LRRC4C: variants seen among roughly 807,000 people sequenced by gnomAD.
The protein encoded by LRRC4C is leucine rich repeat containing 4C.
LRRC4C carries 5 observed loss-of-function variants against 33.6 expected under a neutral mutation model. The observed-to-expected ratio is 0.15, with a 90% CI of 0.08 to 0.31. The LOEUF (loss-of-function observed/expected upper bound fraction) is 0.31. Ranked by LOEUF, LRRC4C falls within the 10% of genes least tolerant of loss-of-function variation. LRRC4C has a pLI of 1.00. For synonymous variants in LRRC4C, 329 were observed against 302.0 expected (o/e 1.09, Z -0.93); for missense variants, 560 against 796.7 (o/e 0.70, Z 3.58).
chr11:41,318,995 G>A (rs1297412859), intron 1 of LRRC4C, among the ~76,000 whole-genome samples: 1 of 152,156 alleles, frequency 6.6e-6, no homozygotes, highest in African/African-American at 2.4e-5. Flanking sequence ...CTCAATTTGA[G>A]AACAAGTTAT....
chr11:40,773,614 T>C lies in LRRC4C; in HGVS notation c.-406-125336A>G, dbSNP rs535586168. ...ATATGCAAAACCTATATGAAGAAAT[T>C]AAAAAACATTTTGAGAGACAGAAAA... is the stretch of plus-strand genomic sequence containing the variant. On this transcript the variant is annotated intron_variant, in intron 2 of 6. Transcript: ENST00000528697. 4.6e-5 allele frequency among the ~76,000 whole-genome samples: 7 copies of C among 152,094 alleles called. No homozygotes were observed. In the South Asian group the frequency reaches 1.5e-3, roughly 32 times the overall value.
intron 2 of LRRC4C, among the ~76,000 whole-genome samples, chr11:40,787,054 C>A (rs1048353435): frequency 1.3e-5 from 2 of 152,100 alleles, no homozygotes; most frequent in South Asian, 4.2e-4. Context: ...CACCTCCATG[C>A]CAAATAAGTT....
intron 2 of LRRC4C, among the ~76,000 whole-genome samples, chr11:40,788,544 T>C (rs1950502059): frequency 6.6e-6 from 1 of 152,246 alleles, no homozygotes; most frequent in South Asian, 2.1e-4. Flanking sequence ...TAATTGATAC[T>C]GCTGCTGTTT....
intron 2 of LRRC4C, among the ~76,000 whole-genome samples, chr11:40,682,228 C>T (rs983567998): frequency 1.3e-5 from 2 of 151,462 alleles, no homozygotes; most frequent in African/African-American, 2.4e-5. Context: ...CATGATTGCA[C>T]CACTGCACTC....
intron 3 of LRRC4C, among the ~76,000 whole-genome samples, chr11:40,523,989 T>G (rs1166747216): frequency 6.6e-6 from 1 of 152,122 alleles, no homozygotes; most frequent in Non-Finnish European, 1.5e-5. Context: ...AAAACAATAC[T>G]CTCCAATCTA....
chr11:40,499,568 A>T (rs545334992), intron 3 of LRRC4C, among the ~76,000 whole-genome samples: 1 of 152,030 alleles, frequency 6.6e-6, no homozygotes, highest in Non-Finnish European at 1.5e-5. Flanking sequence ...TGACATCAAC[A>T]AAAGAGCCAC....
intron 1 of LRRC4C, among the ~76,000 whole-genome samples, chr11:41,078,859 ATT>A (rs1939352808): frequency 1.3e-5 from 2 of 151,918 alleles, no homozygotes; most frequent in Non-Finnish European, 2.9e-5. Flanking sequence ...AAATCTGTGA[ATT>A]TTTCGCCACC....
intron 1 of LRRC4C, among the ~76,000 whole-genome samples, chr11:41,080,552 C>A (rs1012828169): frequency 2.0e-5 from 3 of 151,910 alleles, no homozygotes; most frequent in African/African-American, 7.3e-5. Context: ...GGAGTTTCTC[C>A]ATGGTGGTCA....
At chr11:40,133,184 GAAA>G (rs1402678102) in intron 6 of LRRC4C, among the ~76,000 whole-genome samples, 1 of 152,034 alleles carries the variant, frequency 6.6e-6, no homozygotes, top group Non-Finnish European at 1.5e-5. Flanking sequence ...TTAATCCTTC[GAAA>G]ATGCTCTGTG....
chr11:40,563,624 A>AT, intron 3 of LRRC4C, among the ~76,000 whole-genome samples: 1 of 152,186 alleles, frequency 6.6e-6, no homozygotes. Flanking sequence ...ACATGGGCTA[A>AT]TAGTTGGTGG....
chr11:40,572,792 G>C (rs1273460703), intron 3 of LRRC4C, among the ~76,000 whole-genome samples: 8 of 152,152 alleles, frequency 5.3e-5, no homozygotes, highest in African/African-American at 9.7e-5. Context: ...TTTAGCATAA[G>C]AGTTTGATCA....
intron 3 of LRRC4C, among the ~76,000 whole-genome samples, chr11:40,642,543 AC>A (rs1565590700): frequency 6.6e-6 from 1 of 152,286 alleles, no homozygotes; most frequent in East Asian, 1.9e-4. Flanking sequence ...ATGAAATATA[AC>A]TTTTACCTTG....
At chr11:40,146,830 C>A (rs1245168192) in intron 5 of LRRC4C, among the ~76,000 whole-genome samples, 1 of 152,140 alleles carries the variant, frequency 6.6e-6, no homozygotes, top group Non-Finnish European at 1.5e-5. Flanking sequence ...GAGGGATGGA[C>A]TTCCTGCTCA....
intron 3 of LRRC4C, among the ~76,000 whole-genome samples, chr11:40,476,427 C>T (rs556115146): frequency 6.7e-6 from 1 of 148,512 alleles, no homozygotes; most frequent in Admixed American, 6.8e-5. Flanking sequence ...CTCACCACAG[C>T]CTCTGCCTCC....
At chr11:40,951,948 C>G (rs1958710922) in intron 1 of LRRC4C, among the ~76,000 whole-genome samples, 1 of 151,806 alleles carries the variant, frequency 6.6e-6, no homozygotes, top group East Asian at 1.9e-4. Flanking sequence ...GCCTCAGTTG[C>G]CCAATCTGTT....
At chr11:40,518,909 C>A (rs1401059159) in intron 3 of LRRC4C, among the ~76,000 whole-genome samples, 1 of 152,138 alleles carries the variant, frequency 6.6e-6, no homozygotes, top group African/African-American at 2.4e-5. Context: ...GAATACTATG[C>A]AGCCACAAAA....
chr11:40,469,544 C>G (rs1361583875), intron 3 of LRRC4C, among the ~76,000 whole-genome samples: 1 of 152,072 alleles, frequency 6.6e-6, no homozygotes, highest in African/African-American at 2.4e-5. Flanking sequence ...TGTTCACTCC[C>G]CTGGAAAGGG....
chr11:40,646,850 C>T (rs1475742380), intron 3 of LRRC4C, among the ~76,000 whole-genome samples: 1 of 152,184 alleles, frequency 6.6e-6, no homozygotes, highest in Non-Finnish European at 1.5e-5. Flanking sequence ...TCATGATCCG[C>T]CCACCTCGGC....
At chr11:40,642,855 T>C (rs1038102232) in intron 3 of LRRC4C, among the ~76,000 whole-genome samples, 1 of 152,216 alleles carries the variant, frequency 6.6e-6, no homozygotes, top group Non-Finnish European at 1.5e-5. Context: ...CCTTGATTAT[T>C]ATGTTAACAT....
Sources: gnomAD v4.1 joint callset for allele counts (sites outside exome capture counted in the v4.1 genomes callset) on GRCh38, gnomAD v4.1.1 for gene constraint, MANE v1.5 for transcripts, NCBI Gene and HGNC (gene_info 2026-07-23, HGNC 2026-07-21) for gene names.